The following RBMS3 variants were observed in gnomAD, a reference collection of about 807,000 sequenced individuals.
RBMS3 encodes RNA binding motif single stranded interacting protein 3.
Under a neutral mutation model 66.8 loss-of-function variants are expected in RBMS3, and 27 were observed. The observed-to-expected ratio is 0.40, with a 90% CI of 0.30 to 0.56. The LOEUF (loss-of-function observed/expected upper bound fraction) is 0.56. Among genes scored for constraint, RBMS3 ranks in the 20% least tolerant of loss-of-function variants. RBMS3 has a pLI of 0.40. For missense variants in RBMS3, 513 were observed against 549.5 expected (o/e 0.93, Z 0.66); for synonymous variants, 188 against 183.0 (o/e 1.03, Z -0.22).
At chr3:29,715,519 C>G (rs757219941) in intron 4 of RBMS3, among the ~76,000 whole-genome samples, 1 of 152,046 alleles carries the variant, frequency 6.6e-6, no homozygotes, top group Non-Finnish European at 1.5e-5. Flanking sequence ...CTGTTAGTTC[C>G]CTGGAATCAG....
intron 12 of RBMS3, among the ~76,000 whole-genome samples, chr3:29,949,865 C>T (rs539011834): frequency 6.6e-6 from 1 of 151,590 alleles, no homozygotes; most frequent in African/African-American, 2.4e-5. Context: ...CTCTTGGCAG[C>T]CTTTAGAATC....
chr3:29,541,923 G>T (rs2149013038), intron 3 of RBMS3, among the ~76,000 whole-genome samples: 1 of 152,228 alleles, frequency 6.6e-6, no homozygotes, highest in Middle Eastern at 3.4e-3. Flanking sequence ...GTTCCTCAAA[G>T]GGGTTTTCCT....
chr3:29,482,604 A>G (rs949507376), intron 2 of RBMS3, among the ~76,000 whole-genome samples: 4 of 151,636 alleles, frequency 2.6e-5, no homozygotes, highest in African/African-American at 9.7e-5. Flanking sequence ...AAACAGCTAT[A>G]CTTGAGTTGT....
At chr3:29,426,693 A>G (rs1294192891) in intron 1 of RBMS3, among the ~76,000 whole-genome samples, 1 of 152,016 alleles carries the variant, frequency 6.6e-6, no homozygotes, top group Admixed American at 6.6e-5. Context: ...ACATAATTTC[A>G]TTTCAAGAAT....
intron 3 of RBMS3, among the ~76,000 whole-genome samples, chr3:29,501,746 T>C (rs944799743): frequency 1.3e-5 from 2 of 151,954 alleles, no homozygotes; most frequent in Admixed American, 6.6e-5. Context: ...AAAGAACCAA[T>C]ACCCAAACTC....
intron 1 of RBMS3, among the ~76,000 whole-genome samples, chr3:29,339,973 G>T (rs1365396805): frequency 6.6e-6 from 1 of 152,134 alleles, no homozygotes; most frequent in African/African-American, 2.4e-5. Flanking sequence ...TGGCTGCCAA[G>T]GGAAAACGTT....
At chr3:29,719,464 G>A (rs374064914) in intron 4 of RBMS3, among the ~76,000 whole-genome samples, 2 of 152,052 alleles carry the variant, frequency 1.3e-5, no homozygotes, top group East Asian at 1.9e-4. Context: ...TTCCACGACT[G>A]TGTTGAGCCA....
chr3:29,571,313 A>G (rs1414771652), intron 3 of RBMS3, among the ~76,000 whole-genome samples: 1 of 152,058 alleles, frequency 6.6e-6, no homozygotes, highest in African/African-American at 2.4e-5. Flanking sequence ...CACTGTGCAG[A>G]AGCTTTTTAA....
chr3:29,668,302 G>A (rs760159545), intron 4 of RBMS3, among the ~76,000 whole-genome samples: 2 of 152,162 alleles, frequency 1.3e-5, no homozygotes, highest in Admixed American at 6.5e-5. Context: ...AGATCTTAGG[G>A]TTACATACCT....
At chr3:29,380,678 G>A (rs2038720909) in intron 1 of RBMS3, among the ~76,000 whole-genome samples, 1 of 152,144 alleles carries the variant, frequency 6.6e-6, no homozygotes, top group Admixed American at 6.5e-5. Context: ...GGTCAGTGAG[G>A]CTCAAATCCC....
At chr3:29,812,239 A>G (rs2057749423) in intron 6 of RBMS3, among the ~76,000 whole-genome samples, 1 of 152,178 alleles carries the variant, frequency 6.6e-6, no homozygotes, top group Non-Finnish European at 1.5e-5. Context: ...AATTAAAAAT[A>G]TAAGAATAGG....
At chr3:29,906,095 T>A (rs2060371776) in intron 10 of RBMS3, among the ~76,000 whole-genome samples, 1 of 152,136 alleles carries the variant, frequency 6.6e-6, no homozygotes, top group Non-Finnish European at 1.5e-5. Context: ...TACCCAAGAA[T>A]TCTTTTATGT....
At chr3:29,462,027 C>T (rs1045402710) in intron 2 of RBMS3, among the ~76,000 whole-genome samples, 4 of 148,734 alleles carry the variant, frequency 2.7e-5, no homozygotes, top group African/African-American at 9.9e-5. Context: ...CCGCCCGTCT[C>T]AGCTTCCCAA....
At chr3:29,838,560 G>A (rs1027873412) in intron 6 of RBMS3, among the ~76,000 whole-genome samples, 4 of 152,086 alleles carry the variant, frequency 2.6e-5, no homozygotes, top group African/African-American at 4.8e-5. Context: ...ATATTACCTT[G>A]TGAACGTCCC....
intron 6 of RBMS3, among the ~76,000 whole-genome samples, chr3:29,821,949 C>T (rs185672538): frequency 6.6e-6 from 1 of 152,256 alleles, no homozygotes; most frequent in Non-Finnish European, 1.5e-5. Flanking sequence ...ATACATCTGG[C>T]TCTTCTTCTC....
At chr3:29,346,007 A>T (rs1201062006) in intron 1 of RBMS3, among the ~76,000 whole-genome samples, 2 of 152,186 alleles carry the variant, frequency 1.3e-5, no homozygotes, top group Non-Finnish European at 2.9e-5. Context: ...GATTATTGTT[A>T]TGTTGGTTTT....
intron 6 of RBMS3, among the ~76,000 whole-genome samples, chr3:29,836,849 G>A (rs1169889361): frequency 6.6e-6 from 1 of 150,938 alleles, no homozygotes; most frequent in Non-Finnish European, 1.5e-5. Flanking sequence ...ATTTTTACTT[G>A]TTAATTATGC....
chr3:29,342,788 C>T (rs1009005844), intron 1 of RBMS3, among the ~76,000 whole-genome samples: 24 of 152,060 alleles, frequency 1.6e-4, no homozygotes, highest in African/African-American at 5.3e-4. Flanking sequence ...ACAAATAGTT[C>T]ATTTGTTTGA....
intron 4 of RBMS3, among the ~76,000 whole-genome samples, chr3:29,612,307 C>T (rs190195228): frequency 6.6e-6 from 1 of 151,996 alleles, no homozygotes; most frequent in East Asian, 1.9e-4. Flanking sequence ...TGACATATAT[C>T]TTGGACATGT....
Sources: gnomAD v4.1 joint callset for allele counts (sites outside exome capture counted in the v4.1 genomes callset) on GRCh38, gnomAD v4.1.1 for gene constraint, MANE v1.5 for transcripts, NCBI Gene and HGNC (gene_info 2026-07-23, HGNC 2026-07-21) for gene names.